The following SAMTOR variants were observed in gnomAD, a reference collection of about 807,000 sequenced individuals.
SAMTOR encodes S-adenosylmethionine sensor upstream of mTORC1.
At chr7:112,861,841 C>T in the SAMTOR span, among the ~76,000 whole-genome samples, 2 of 152,028 alleles carry the variant, frequency 1.3e-5, no homozygotes, top group Non-Finnish European at 2.9e-5. Context: ...AGTCTACTCC[C>T]TAACATTTTA....
At chr7:112,902,462 C>CAAAAAA in the SAMTOR span, among the ~76,000 whole-genome samples, 259 of 83,572 alleles carry the variant, frequency 3.1e-3, no homozygotes, top group East Asian at 0.014. Context: ...AAAAAAAAAC[C>CAAAAAA]AAAAAAGTTG....
At chr7:112,886,754 A>G in the SAMTOR span, among the ~76,000 whole-genome samples, 1 of 152,240 alleles carries the variant, frequency 6.6e-6, no homozygotes, top group Non-Finnish European at 1.5e-5. Flanking sequence ...ATCACTTGAT[A>G]AACTTGGTTC....
chr7:112,909,297 G>T, the SAMTOR span, among the ~76,000 whole-genome samples: 1 of 152,112 alleles, frequency 6.6e-6, no homozygotes, highest in Non-Finnish European at 1.5e-5. Flanking sequence ...ACAATGAACA[G>T]GGAAAGACCC....
At chr7:112,891,150 T>C in the SAMTOR span, among the ~76,000 whole-genome samples, 2 of 152,234 alleles carry the variant, frequency 1.3e-5, no homozygotes, top group Admixed American at 6.5e-5. Context: ...CTGTGTTTGA[T>C]AGAAGTATAA....
At chr7:112,822,242 C>T in the SAMTOR span, 1 of 1,613,532 alleles carries the variant, frequency 6.2e-7, no homozygotes, top group East Asian at 2.2e-5. Flanking sequence ...AGAAAACAAC[C>T]ACATGGAAAA....
At chr7:112,876,897 G>A in the SAMTOR span, among the ~76,000 whole-genome samples, 104 of 152,086 alleles carry the variant, frequency 6.8e-4, 1 homozygote, top group Admixed American at 4.1e-3. Context: ...ATTCCTTTGC[G>A]AGTCATCCTT....
the SAMTOR span, chr7:112,822,164 C>T: frequency 1.2e-6 from 2 of 1,613,810 alleles, no homozygotes; most frequent in South Asian, 1.1e-5. Flanking sequence ...TTAACACTAA[C>T]AGTTCATGGG....
At chr7:112,821,899 G>A in the SAMTOR span, 1 of 1,613,136 alleles carries the variant, frequency 6.2e-7, no homozygotes, top group Non-Finnish European at 8.5e-7. Flanking sequence ...TAGCAGGAAG[G>A]GTTAGAATAT....
the SAMTOR span, among the ~76,000 whole-genome samples, chr7:112,875,854 T>G: frequency 1.3e-5 from 2 of 152,204 alleles, no homozygotes; most frequent in Non-Finnish European, 2.9e-5. Flanking sequence ...TTCTCTAAAG[T>G]TCCACAGTTG....
chr7:112,877,606 T>C, the SAMTOR span, among the ~76,000 whole-genome samples: 4 of 152,282 alleles, frequency 2.6e-5, no homozygotes, highest in South Asian at 8.3e-4. Context: ...ATTCATATTT[T>C]TGTAAATTTC....
the SAMTOR span, among the ~76,000 whole-genome samples, chr7:112,896,668 A>G: frequency 6.6e-6 from 1 of 152,216 alleles, no homozygotes; most frequent in Non-Finnish European, 1.5e-5. Flanking sequence ...TGCAGAAGGC[A>G]TAGTTGTTAC....
At chr7:112,907,381 C>T in the SAMTOR span, among the ~76,000 whole-genome samples, 1 of 152,098 alleles carries the variant, frequency 6.6e-6, no homozygotes, top group Non-Finnish European at 1.5e-5. Context: ...CCCCTAAGTA[C>T]TAGAAGAAAA....
the SAMTOR span, among the ~76,000 whole-genome samples, chr7:112,935,945 G>C: frequency 6.6e-6 from 1 of 151,952 alleles, no homozygotes; most frequent in African/African-American, 2.4e-5. Flanking sequence ...TTCAGTTCTT[G>C]ATTTGATACA....
At chr7:112,841,016 C>T in the SAMTOR span, among the ~76,000 whole-genome samples, 2 of 152,040 alleles carry the variant, frequency 1.3e-5, no homozygotes, top group African/African-American at 4.8e-5. Flanking sequence ...CCTCTGAAAA[C>T]TGGCACATGA....
At chr7:112,895,547 A>G in the SAMTOR span, 1 of 1,489,312 alleles carries the variant, frequency 6.7e-7, no homozygotes, top group African/African-American at 1.4e-5. Flanking sequence ...CAGGATAATC[A>G]AAGTAGAAAA....
At chr7:112,850,035 C>T in the SAMTOR span, among the ~76,000 whole-genome samples, 5 of 152,030 alleles carry the variant, frequency 3.3e-5, no homozygotes, top group Non-Finnish European at 5.9e-5. Flanking sequence ...GGAGAAACTC[C>T]GTTTCTACTA....
the SAMTOR span, among the ~76,000 whole-genome samples, chr7:112,907,491 T>G: frequency 3.9e-5 from 6 of 152,042 alleles, no homozygotes; most frequent in African/African-American, 1.4e-4. Context: ...AACAGAAGAC[T>G]GATACATCTA....
the SAMTOR span, among the ~76,000 whole-genome samples, chr7:112,865,675 T>TATTCATATATATTTTTTCATATATAC: frequency 9.4e-4 from 99 of 105,012 alleles, no homozygotes; most frequent in African/African-American, 4.6e-3. Context: ...TACATACATA[T>TATTCATATATATTTTTTCATATATAC]ATTCATATAT....
At chr7:112,921,814 T>C in the SAMTOR span, among the ~76,000 whole-genome samples, 2 of 123,628 alleles carry the variant, frequency 1.6e-5, no homozygotes. Flanking sequence ...AAGACATTTA[T>C]GCAGCCAAAA....
Sources: allele counts gnomAD v4.1 joint callset (sites outside exome capture counted in the v4.1 genomes callset), GRCh38; gene constraint gnomAD v4.1.1; transcripts MANE v1.5; gene names NCBI Gene and HGNC (gene_info 2026-07-23, HGNC 2026-07-21).